ASAP2: variants seen among roughly 807,000 people sequenced by gnomAD.
ASAP2 encodes the protein arf-GAP with SH3 domain, ANK repeat and PH domain-containing protein 2.
A neutral mutation model predicts 131.4 loss-of-function variants in ASAP2; 45 were observed. The ratio of observed to expected loss-of-function variants is 0.34; its 90% CI spans 0.27 to 0.44. ASAP2 has a LOEUF of 0.44. Among genes scored for constraint, ASAP2 ranks in the 20% least tolerant of loss-of-function variants. ASAP2 has a pLI of 1.00. For missense variants in ASAP2, 1,011 were observed against 1,297.0 expected, an observed-to-expected ratio of 0.78 and a Z score of 3.39; for synonymous variants, 510 against 503.0, an observed-to-expected ratio of 1.01 and a Z score of -0.19.
intron 15 of ASAP2, among the ~76,000 whole-genome samples, chr2:9,366,838 G>A (rs1048089896): frequency 3.9e-5 from 6 of 151,980 alleles, no homozygotes; most frequent in Non-Finnish European, 8.8e-5. Context: ...TTAAAAAATT[G>A]CGTCTGCATC....
At chr2:9,317,789 C>T (rs115408747) in intron 3 of ASAP2, among the ~76,000 whole-genome samples, 1,934 of 149,354 alleles carry the variant, frequency 0.013, 39 homozygotes, top group African/African-American at 0.046. Flanking sequence ...CACACCCATA[C>T]ACAATCGCAT....
intron 24 of ASAP2, among the ~76,000 whole-genome samples, chr2:9,398,538 T>A (rs746601382): frequency 6.6e-6 from 1 of 151,982 alleles, no homozygotes; most frequent in Non-Finnish European, 1.5e-5. Context: ...CCAGGCACAG[T>A]GGCTCACACC....
At chr2:9,334,504 G>A (rs913052027) in intron 7 of ASAP2, among the ~76,000 whole-genome samples, 2 of 152,116 alleles carry the variant, frequency 1.3e-5, no homozygotes, top group African/African-American at 2.4e-5. Context: ...TATATGGGTC[G>A]AGAAAAATCT....
At chr2:9,393,333 C>G in intron 23 of ASAP2, 149 bp from the exon 24 acceptor site, 1 of 720,650 alleles carries the variant, frequency 1.4e-6, no homozygotes, top group Non-Finnish European at 2.1e-6. Context: ...GAATGGTTTT[C>G]TGAAAACTGG....
intron 19 of ASAP2, among the ~76,000 whole-genome samples, 182 bp downstream of exon 19, chr2:9,379,241 T>C (rs753605647): frequency 1.3e-5 from 2 of 152,238 alleles, no homozygotes; most frequent in Non-Finnish European, 2.9e-5. Flanking sequence ...CGAGGCCGCA[T>C]TCACCATCTG....
chr2:9,295,578 A>G (rs907815679), intron 2 of ASAP2, among the ~76,000 whole-genome samples: 2 of 152,198 alleles, frequency 1.3e-5, no homozygotes, highest in African/African-American at 2.4e-5. Flanking sequence ...TACCAAGGTC[A>G]TACAGATATT....
rs1051143576 is a variant in ASAP2 at position 9,334,891 on chromosome 2, T to C, written c.762+78T>C. Reference sequence around the variant, plus strand: ...TTTTCATCTAAATGTCACTTCTGTGTAATCCTGTGTTTTCATGCCGTGCCG... The same window carrying C: ...TTTTCATCTAAATGTCACTTCTGTGCAATCCTGTGTTTTCATGCCGTGCCG... On this transcript the variant is annotated intron_variant, in intron 8 of 27. Coordinates refer to ENST00000281419, the MANE Select transcript of ASAP2 (RefSeq NM_003887.3). The C allele has an allele frequency of 9.3e-6, 14 of 1,509,944 alleles. No homozygotes were observed. The African/African-American group carries it at 1.5e-4, about 16-fold the overall frequency. The allele number at this position is 1,509,944 out of a possible 1,614,324, so 93.5% of individuals were successfully genotyped here.
rs548508113 is a variant in ASAP2 at position 9,240,039 on chromosome 2, A to G, written c.126+32809A>G. 3.5e-4 allele frequency among the ~76,000 whole-genome samples: 54 copies of G among 152,268 alleles called. 1 individual carries two copies. Among genetic ancestry groups the G allele is most frequent in the African/African-American group, 1.1e-3 (46 of 41,550 alleles). ...GTGGTTTATGGAAAGAAATTAAGTC[A>G]GGGTGAAAAAACTAGTCAACTTCTT... On this transcript the variant is annotated intron_variant, in intron 1 of 27. Transcript: ENST00000281419.
intron 1 of ASAP2, among the ~76,000 whole-genome samples, chr2:9,218,702 T>C (rs566726277): frequency 2.0e-5 from 3 of 152,320 alleles, no homozygotes; most frequent in African/African-American, 7.2e-5. Context: ...ACATGGAGGG[T>C]TGGATGCGAT....
intron 16 of ASAP2, among the ~76,000 whole-genome samples, chr2:9,372,626 T>G (rs998425651): frequency 6.6e-6 from 1 of 152,194 alleles, no homozygotes; most frequent in Non-Finnish European, 1.5e-5. Flanking sequence ...TGCATACATT[T>G]AAGAAAGATT....
intron 15 of ASAP2, among the ~76,000 whole-genome samples, chr2:9,366,750 T>C (rs1298654644): frequency 6.6e-6 from 1 of 152,144 alleles, no homozygotes; most frequent in Admixed American, 6.5e-5. Context: ...AAAAGCTTTT[T>C]CCACGTGTCA....
rs1053271279 is a variant in ASAP2 at position 9,288,249 on chromosome 2, G to A, written c.199+8860G>A. Among the ~76,000 whole-genome samples the A allele has an allele frequency of 2.0e-5, 3 of 152,246 alleles. 1 individual carries two copies. The highest frequency in any genetic ancestry group is 6.8e-3 in the Middle Eastern group (2 of 294). ...CTTAAATCTTCTACCAAATCAACAC[G>A]ATGACTTCATCTGTTTCCTCATCTG... On this transcript the variant is annotated intron_variant, in intron 2 of 27. Coordinates refer to ENST00000281419, the MANE Select transcript of ASAP2 (RefSeq NM_003887.3).
rs564061574 is a variant in ASAP2, at chr2:9,271,518, C to T, written c.127-7799C>T. 5 of 1,498,510 alleles carry T rather than the reference C, an allele frequency of 3.3e-6. No individual in the cohort carries two copies. In the East Asian group the frequency reaches 9.0e-5, roughly 27 times the overall value. 92.8% of individuals were successfully genotyped at this position (1,498,510 alleles called of 1,614,324 possible). ...TAGTAAGGGCCTTCCTGCCGTTTCTCTGTTGAATTCTTATATGGATATAAT... is the reference window on the plus strand; with the variant it reads ...TAGTAAGGGCCTTCCTGCCGTTTCTTTGTTGAATTCTTATATGGATATAAT... On this transcript the variant is annotated intron_variant, in intron 1 of 27. Coordinates refer to ENST00000281419, the MANE Select transcript of ASAP2 (RefSeq NM_003887.3).
chr2:9,352,164 T>A (rs1241679027), intron 12 of ASAP2, among the ~76,000 whole-genome samples: 1 of 151,752 alleles, frequency 6.6e-6, no homozygotes, highest in South Asian at 2.1e-4. Context: ...GGAGTAGACG[T>A]CCAGCCTTGG....
chr2:9,248,102 G>A (rs533363006), intron 1 of ASAP2, among the ~76,000 whole-genome samples: 21 of 152,300 alleles, frequency 1.4e-4, no homozygotes, highest in African/African-American at 4.8e-4. Context: ...CTGATGGAAG[G>A]GGGGCGGCTG....
chr2:9,213,996 A>G lies in ASAP2; in HGVS notation c.126+6766A>G, dbSNP rs1412941096. The stretch of plus-strand genomic sequence containing the variant: ...TGGCTGCATAGACTGAGACTGAGGG[A>G]TCTGCTCATGCGACCCTCTGCTGTT... On this transcript the variant is annotated intron_variant, in intron 1 of 27. Coordinates refer to ENST00000281419, the MANE Select transcript of ASAP2 (RefSeq NM_003887.3). 3.3e-5 allele frequency among the ~76,000 whole-genome samples: 5 copies of G among 152,324 alleles called. No homozygotes were observed. In the East Asian group the frequency reaches 9.7e-4, roughly 29 times the overall value.
intron 11 of ASAP2, among the ~76,000 whole-genome samples, chr2:9,346,272 C>G (rs1019512433): frequency 6.6e-6 from 1 of 151,862 alleles, no homozygotes; most frequent in African/African-American, 2.4e-5. Flanking sequence ...ACTAAAAATG[C>G]AAAAATTAGC....
At chr2:9,312,016 A>G (rs1420609718) in intron 3 of ASAP2, among the ~76,000 whole-genome samples, 1 of 152,224 alleles carries the variant, frequency 6.6e-6, no homozygotes, top group Non-Finnish European at 1.5e-5. Context: ...TTAAAAAGTA[A>G]ACACCTTTGT....
intron 3 of ASAP2, among the ~76,000 whole-genome samples, chr2:9,307,425 C>A (rs769627602): frequency 2.3e-4 from 35 of 152,306 alleles, no homozygotes; most frequent in African/African-American, 6.7e-4. Flanking sequence ...GGAGGTAATA[C>A]ATTTGAAAAA....
Sources: gnomAD v4.1 joint callset for allele counts (sites outside exome capture counted in the v4.1 genomes callset) on GRCh38, gnomAD v4.1.1 for gene constraint, MANE v1.5 for transcripts, NCBI Gene and HGNC (gene_info 2026-07-23, HGNC 2026-07-21) for gene names.